OXR1: variants seen among roughly 807,000 people sequenced by gnomAD.
The protein encoded by OXR1 is oxidation resistance 1, also known as oxidation resistance protein 1.
Under a neutral mutation model 104.6 loss-of-function variants are expected in OXR1, and 41 were observed. The observed-to-expected ratio is 0.39, with a 90% confidence interval of 0.31 to 0.51. OXR1 has a LOEUF of 0.51. Ranked by LOEUF, OXR1 falls within the 20% of genes least tolerant of loss-of-function variation. The pLI, the probability that OXR1 is intolerant of heterozygous loss-of-function variation, is 0.77. For synonymous variants in OXR1, 348 were observed against 348.4 expected (o/e 1.00, Z 0.01); for missense variants, 955 against 1,031.9 (o/e 0.93, Z 1.02).
intron 11 of OXR1, among the ~76,000 whole-genome samples, chr8:106,715,217 T>C (rs1832115995): frequency 6.6e-6 from 1 of 151,820 alleles, no homozygotes; most frequent in Non-Finnish European, 1.5e-5. Context: ...AATGAACATA[T>C]ACTATGTAAT....
intron 2 of OXR1, among the ~76,000 whole-genome samples, chr8:106,389,988 C>T (rs1291501833): frequency 6.6e-6 from 1 of 152,056 alleles, no homozygotes; most frequent in South Asian, 2.1e-4. Context: ...ATTGCTTGAA[C>T]CCGGGAGGTA....
chr8:106,493,495 G>A (rs191004644), intron 2 of OXR1, among the ~76,000 whole-genome samples: 1 of 137,784 alleles, frequency 7.3e-6, no homozygotes, highest in African/African-American at 2.7e-5. Context: ...CAGAACCTCT[G>A]AGGATGGGCC....
At chr8:106,442,686 T>G (rs1180439134) in intron 2 of OXR1, among the ~76,000 whole-genome samples, 4 of 152,232 alleles carry the variant, frequency 2.6e-5, no homozygotes, top group Non-Finnish European at 5.9e-5. Context: ...TCTTCTAGAT[T>G]TTCTAGTTTA....
intron 4 of OXR1, chr8:106,682,678 A>G (rs559381925): frequency 6.5e-6 from 1 of 154,320 alleles, no homozygotes; most frequent in Admixed American, 6.5e-5. Flanking sequence ...ATTATTTATG[A>G]TTTCTACACA....
At chr8:106,740,848 G>T (rs1301579312) in intron 14 of OXR1, among the ~76,000 whole-genome samples, 2 of 152,090 alleles carry the variant, frequency 1.3e-5, no homozygotes, top group Admixed American at 6.6e-5. Context: ...TGAATAATGG[G>T]TGAAGTTTTG....
rs553398808 is a variant in OXR1 at position 106,510,069 on chromosome 8, G to A, written c.24-8874G>A. The stretch of plus-strand genomic sequence containing the variant: ...TTACAGGAGTAAGCCACTGCACCCA[G>A]CCCCAACACATATTCTTATAATGGG... On this transcript the variant is annotated intron_variant, in intron 2 of 16. Transcript: ENST00000517566. 1.3e-4 allele frequency among the ~76,000 whole-genome samples: 20 copies of A among 152,304 alleles called. No homozygotes were observed. The South Asian group carries it at 4.1e-3, about 32-fold the overall frequency.
chr8:106,346,990 C>G (rs987878113), intron 1 of OXR1, among the ~76,000 whole-genome samples: 9 of 152,192 alleles, frequency 5.9e-5, no homozygotes, highest in Admixed American at 5.9e-4. Context: ...TTGCAGTGAG[C>G]CGAGATCGCG....
intron 11 of OXR1, among the ~76,000 whole-genome samples, chr8:106,725,324 T>C (rs1833227591): frequency 1.3e-5 from 2 of 152,190 alleles, no homozygotes; most frequent in African/African-American, 4.8e-5. Context: ...AAAGGTGGCA[T>C]CATGTGTGCA....
At chr8:106,659,758 G>A (rs915699823) in intron 3 of OXR1, among the ~76,000 whole-genome samples, 1 of 152,230 alleles carries the variant, frequency 6.6e-6, no homozygotes, top group African/African-American at 2.4e-5. Context: ...TGCTCAGGAG[G>A]CTGGGGCGGG....
chr8:106,705,986 A>G (rs922053090), intron 8 of OXR1, among the ~76,000 whole-genome samples: 1 of 152,008 alleles, frequency 6.6e-6, no homozygotes, highest in Non-Finnish European at 1.5e-5. Flanking sequence ...TTATTGGGAG[A>G]TTTAAAATTT....
chr8:106,610,469 A>G (rs961087604), intron 3 of OXR1, among the ~76,000 whole-genome samples: 4 of 152,148 alleles, frequency 2.6e-5, no homozygotes, highest in Non-Finnish European at 4.4e-5. Flanking sequence ...TCAAAATCCA[A>G]ATCCTCAATA....
At chr8:106,370,026 A>G (rs989098743) in intron 2 of OXR1, among the ~76,000 whole-genome samples, 4 of 152,160 alleles carry the variant, frequency 2.6e-5, no homozygotes. Flanking sequence ...CTTCCTATCC[A>G]TGAGGATGGA....
intron 3 of OXR1, among the ~76,000 whole-genome samples, chr8:106,644,591 C>T (rs1465197299): frequency 3.3e-5 from 5 of 152,072 alleles, no homozygotes; most frequent in African/African-American, 7.2e-5. Flanking sequence ...GTAGCTGTAC[C>T]GTCCTGTGCA....
At chr8:106,547,936 C>T (rs898627921) in intron 3 of OXR1, among the ~76,000 whole-genome samples, 20 of 152,114 alleles carry the variant, frequency 1.3e-4, no homozygotes, top group Admixed American at 6.6e-4. Context: ...TAAACATGGA[C>T]GTACAAATAC....
intron 2 of OXR1, among the ~76,000 whole-genome samples, chr8:106,485,834 T>G (rs1415083314): frequency 6.6e-6 from 1 of 151,996 alleles, no homozygotes. Flanking sequence ...GAGGACATTA[T>G]GTTAAGTGAA....
intron 3 of OXR1, among the ~76,000 whole-genome samples, chr8:106,532,127 C>T (rs1318374682): frequency 6.6e-6 from 1 of 152,204 alleles, no homozygotes; most frequent in African/African-American, 2.4e-5. Flanking sequence ...TTGTGTGCTA[C>T]ACCATGGAAT....
chr8:106,605,397 G>GT (rs1207492823), intron 3 of OXR1, among the ~76,000 whole-genome samples: 3 of 152,104 alleles, frequency 2.0e-5, no homozygotes. Flanking sequence ...TCAGCCTGGA[G>GT]TTGCCTGGTG....
At chr8:106,364,430 A>C (rs749160813) in intron 2 of OXR1, among the ~76,000 whole-genome samples, 37 of 152,034 alleles carry the variant, frequency 2.4e-4, no homozygotes, top group Non-Finnish European at 4.7e-4. Flanking sequence ...AAATACAAAA[A>C]ATTTGCATGG....
intron 12 of OXR1, among the ~76,000 whole-genome samples, chr8:106,738,243 T>C (rs1246113986): frequency 6.6e-6 from 1 of 152,172 alleles, no homozygotes; most frequent in Non-Finnish European, 1.5e-5. Flanking sequence ...CTTAATAAGA[T>C]ATGCTTTCAT....
Sources: allele counts gnomAD v4.1 joint callset (sites outside exome capture counted in the v4.1 genomes callset), GRCh38; gene constraint gnomAD v4.1.1; transcripts MANE v1.5; gene names NCBI Gene and HGNC (gene_info 2026-07-23, HGNC 2026-07-21).